The following SMOC1 variants were observed in gnomAD, a reference collection of about 807,000 sequenced individuals.
SMOC1 encodes the protein SPARC related modular calcium binding 1.
A neutral mutation model predicts 56.3 loss-of-function variants in SMOC1; 22 were observed. The observed-to-expected ratio is 0.39, with a 90% CI of 0.28 to 0.56. SMOC1 has a LOEUF of 0.56. Among genes scored for constraint, SMOC1 ranks in the 20% least tolerant of loss-of-function variants. The probability of loss-of-function intolerance (pLI) is 0.61; values close to 1 mark genes in which losing one functional copy is unlikely to be tolerated. For synonymous variants in SMOC1, 193 were observed against 215.0 expected (o/e 0.90, Z 0.89); for missense variants, 509 against 565.4 (o/e 0.90, Z 1.01).
intron 7 of SMOC1, among the ~76,000 whole-genome samples, chr14:69,996,235 T>C (rs1464764319): frequency 6.6e-6 from 1 of 152,224 alleles, no homozygotes; most frequent in Non-Finnish European, 1.5e-5. Context: ...AAAATTAGAA[T>C]AGCACTGTCA....
intron 11 of SMOC1, among the ~76,000 whole-genome samples, chr14:70,027,386 G>A (rs1243734452): frequency 6.6e-6 from 1 of 152,128 alleles, no homozygotes; most frequent in East Asian, 1.9e-4. Flanking sequence ...GGCCAGTGGG[G>A]GAGTCTGGGG....
At chr14:70,015,300 A>T (rs1885470358) in intron 10 of SMOC1, among the ~76,000 whole-genome samples, 1 of 151,246 alleles carries the variant, frequency 6.6e-6, no homozygotes, top group African/African-American at 2.4e-5. Context: ...TTGCTAACCA[A>T]TGGGTGTCAA....
intron 1 of SMOC1, chr14:69,885,359 A>C: frequency 6.3e-7 from 1 of 1,595,230 alleles, no homozygotes; most frequent in Non-Finnish European, 8.5e-7. Flanking sequence ...TTTAGTGGCA[A>C]GTTCTTTAGC....
At chr14:69,935,698 G>A (rs963090353) in intron 1 of SMOC1, among the ~76,000 whole-genome samples, 7 of 152,196 alleles carry the variant, frequency 4.6e-5, no homozygotes, top group Non-Finnish European at 1.0e-4. Context: ...GTTGTGCTTT[G>A]GTGTATCCCC....
rs932959191 is a variant in SMOC1 at position 70,004,358 on chromosome 14, T to C, written c.665-6396T>C. On this transcript the variant is annotated intron_variant, in intron 7 of 11. Transcript: ENST00000361956. ...TTTGGCCAAACACTCATCTAGATAT[T>C]GGTGTGAAGGTATTTTGTGGATGTG... Among the ~76,000 whole-genome samples the C allele has an allele frequency of 7.9e-5, 12 of 152,242 alleles. 1 individual carries two copies. The highest frequency in any genetic ancestry group is 2.9e-4 in the African/African-American group (12 of 41,470).
At chr14:69,898,566 A>G (rs186310048) in intron 1 of SMOC1, among the ~76,000 whole-genome samples, 40 of 152,042 alleles carry the variant, frequency 2.6e-4, no homozygotes, top group Admixed American at 1.6e-3. Flanking sequence ...TGTCCAGTCT[A>G]CTAATGAGCC....
intron 1 of SMOC1, among the ~76,000 whole-genome samples, chr14:69,919,336 C>T (rs574291021): frequency 1.3e-5 from 2 of 152,182 alleles, no homozygotes; most frequent in Non-Finnish European, 2.9e-5. Context: ...GATTTAGACT[C>T]TACCTTTCCA....
intron 1 of SMOC1, among the ~76,000 whole-genome samples, chr14:69,922,729 A>G (rs775954213): frequency 1.3e-5 from 2 of 152,066 alleles, no homozygotes; most frequent in Non-Finnish European, 2.9e-5. Flanking sequence ...TTATGGGGAC[A>G]GAGCCCTAGT....
At chr14:69,950,915 T>C (rs775190858) in intron 1 of SMOC1, among the ~76,000 whole-genome samples, 158 of 152,358 alleles carry the variant, frequency 1.0e-3, no homozygotes, top group Non-Finnish European at 1.9e-3. Flanking sequence ...TTATAATCTT[T>C]CTCAGTTCTG....
At chr14:69,974,554 A>T (rs1475662781) in intron 3 of SMOC1, among the ~76,000 whole-genome samples, 1 of 152,204 alleles carries the variant, frequency 6.6e-6, no homozygotes, top group Non-Finnish European at 1.5e-5. Flanking sequence ...GACCTTGTGC[A>T]TACCAATGAG....
intron 1 of SMOC1, among the ~76,000 whole-genome samples, chr14:69,880,003 C>T (rs1266901561): frequency 2.0e-5 from 3 of 152,178 alleles, no homozygotes; most frequent in African/African-American, 7.2e-5. Flanking sequence ...CCCCTGTCCC[C>T]GAACTGTCAC....
At chr14:69,916,086 T>G (rs578257009) in intron 1 of SMOC1, among the ~76,000 whole-genome samples, 2 of 152,352 alleles carry the variant, frequency 1.3e-5, no homozygotes, top group Non-Finnish European at 2.9e-5. Context: ...GATAGGCATC[T>G]GAAACCAACA....
intron 5 of SMOC1, among the ~76,000 whole-genome samples, chr14:69,987,725 G>T (rs1042318548): frequency 6.6e-6 from 1 of 152,176 alleles, no homozygotes; most frequent in African/African-American, 2.4e-5. Context: ...CCTCGCCAGC[G>T]AATGTCAATC....
chr14:69,940,927 G>C (rs1882535192), intron 1 of SMOC1, among the ~76,000 whole-genome samples: 2 of 152,142 alleles, frequency 1.3e-5, no homozygotes, highest in African/African-American at 4.8e-5. Flanking sequence ...CTAGTATTTA[G>C]TGACAGGGCA....
intron 1 of SMOC1, among the ~76,000 whole-genome samples, chr14:69,935,283 A>G (rs1885267105): frequency 6.6e-6 from 1 of 152,254 alleles, no homozygotes; most frequent in Non-Finnish European, 1.5e-5. Context: ...ATGCTTTTAA[A>G]TGCACCAAAA....
intron 1 of SMOC1, among the ~76,000 whole-genome samples, chr14:69,891,016 A>G (rs1883945952): frequency 6.6e-6 from 1 of 152,136 alleles, no homozygotes; most frequent in Non-Finnish European, 1.5e-5. Flanking sequence ...ATATACAAAT[A>G]ATGAACTATT....
At chr14:69,889,088 A>G (rs1883890321) in intron 1 of SMOC1, among the ~76,000 whole-genome samples, 2 of 152,302 alleles carry the variant, frequency 1.3e-5, no homozygotes, top group South Asian at 2.1e-4. Flanking sequence ...GAGGACCTGA[A>G]TTTTAAATTA....
At chr14:69,950,417 C>A (rs1351211612) in intron 1 of SMOC1, among the ~76,000 whole-genome samples, 1 of 152,230 alleles carries the variant, frequency 6.6e-6, no homozygotes, top group Non-Finnish European at 1.5e-5. Flanking sequence ...AAAGGGTCAA[C>A]AAGTTCTCAT....
intron 1 of SMOC1, among the ~76,000 whole-genome samples, chr14:69,933,184 A>G (rs114689393): frequency 8.7e-4 from 132 of 152,360 alleles, no homozygotes; most frequent in African/African-American, 3.1e-3. Flanking sequence ...TTACTCTTTT[A>G]CTTCAACCCA....
Sources: gnomAD v4.1 joint callset for allele counts (sites outside exome capture counted in the v4.1 genomes callset) on GRCh38, gnomAD v4.1.1 for gene constraint, MANE v1.5 for transcripts, NCBI Gene and HGNC (gene_info 2026-07-23, HGNC 2026-07-21) for gene names.